Variants in ANKRD11 observed in about 807,000 individuals in gnomAD.
The protein encoded by ANKRD11 is ankyrin repeat domain 11.
Under a neutral mutation model 195.7 loss-of-function variants are expected in ANKRD11, and 17 were observed. The ratio of observed to expected loss-of-function variants is 0.09; its 90% confidence interval spans 0.06 to 0.13. The LOEUF (loss-of-function observed/expected upper bound fraction) is 0.13, where lower values mean the gene tolerates loss of function less well. ANKRD11 is among the 10% of genes least tolerant of loss of function. The pLI is 1.00. For missense variants in ANKRD11, 3,735 were observed against 3,566.1 expected (o/e 1.05, Z -1.21); for synonymous variants, 1,953 against 1,528.1 (o/e 1.28, Z -6.49).
intron 2 of ANKRD11, among the ~76,000 whole-genome samples, chr16:89,384,996 C>T (rs1371315574): frequency 7.1e-6 from 1 of 141,050 alleles, no homozygotes; most frequent in Non-Finnish European, 1.5e-5. Flanking sequence ...AGTGATTCTC[C>T]TGACTCAGCC....
At position 89,281,966 on chromosome 16, in the gene ANKRD11, C is replaced by T. The variant is rs757519008; in HGVS notation, c.4576G>A (p.Gly1526Ser). The change falls in exon 9 of 13, where the codon GGC becomes AGC. Residue 1526 changes from glycine (G) to serine (S), a missense_variant. Physicochemically the swap from Gly to Ser is moderately conservative, Grantham distance 56 (BLOSUM62 0). Transcript: ENST00000301030. The surrounding 1 kb of genome is among the most constrained non-coding windows in gnomAD (Gnocchi z 5.5). ...AATTTCTCCTTCAGTTTGGCATCGC[C>T]GAGCCTCGGGCCCTCGTCCCTGGAC... ...DKSRDEGPRLGDAKLKEKFKD... is the reference protein window; with the variant it reads ...DKSRDEGPRLSDAKLKEKFKD... The T allele has an allele frequency of 2.5e-6, 4 of 1,612,704 alleles. No individual in the cohort carries two copies. Among genetic ancestry groups the T allele is most frequent in the East Asian group, 2.2e-5 (1 of 44,894 alleles).
chr16:89,450,109 G>A (rs1352256553), intron 1 of ANKRD11, among the ~76,000 whole-genome samples: 1 of 152,188 alleles, frequency 6.6e-6, no homozygotes, highest in Non-Finnish European at 1.5e-5. Flanking sequence ...GTCACACTCT[G>A]CTCCAGCTGC....
chr16:89,387,406 C>A (rs2040963075), intron 2 of ANKRD11, among the ~76,000 whole-genome samples: 1 of 151,954 alleles, frequency 6.6e-6, no homozygotes, highest in Non-Finnish European at 1.5e-5. Flanking sequence ...GGCGCGGTGG[C>A]TCACTCCTGT....
intron 2 of ANKRD11, among the ~76,000 whole-genome samples, chr16:89,342,126 G>A (rs150009882): frequency 6.6e-5 from 10 of 152,138 alleles, no homozygotes; most frequent in Non-Finnish European, 1.0e-4. Context: ...ATGGGCACTT[G>A]GTCCCTTCTC....
intron 2 of ANKRD11, among the ~76,000 whole-genome samples, chr16:89,399,742 G>A (rs775858380): frequency 6.6e-6 from 1 of 152,140 alleles, no homozygotes; most frequent in Non-Finnish European, 1.5e-5. Context: ...AGGGGTGCGG[G>A]GGAACCCTCT....
chr16:89,369,040 C>G (rs747088673), intron 2 of ANKRD11, among the ~76,000 whole-genome samples: 3 of 152,114 alleles, frequency 2.0e-5, no homozygotes, highest in Non-Finnish European at 4.4e-5. Context: ...AGAGACCCCC[C>G]ACTGGCACCC....
chr16:89,490,119 C>T (rs1375716173), intron 1 of ANKRD11, 126 bp downstream of exon 1: 2 of 143,416 alleles, frequency 1.4e-5, no homozygotes, highest in African/African-American at 5.0e-5. Flanking sequence ...CCGGCCCCGA[C>T]CCCCCAGGCC....
chr16:89,276,862 C>G (rs1597419406), intron 9 of ANKRD11, among the ~76,000 whole-genome samples: 1 of 152,058 alleles, frequency 6.6e-6, no homozygotes. Context: ...TTGAGACCAG[C>G]CTGACCAACA....
chr16:89,281,085 G>A lies in ANKRD11; in HGVS notation c.5457C>T (p.Ser1819=), dbSNP rs761966114. Residue 1819 remains serine (S), a synonymous_variant, in exon 9 of 13, where the codon TCC becomes TCT. Transcript: ENST00000301030. The surrounding 1 kb of genome is among the most constrained non-coding windows in gnomAD (Gnocchi z 5.5). ...AGGGTGGCATGGGAGAGTCGTAGCT[G>A]GAGGCAGCAGGAACGCTCTGCTGCC... The part of the protein sequence containing the change: ...LFRQQSVPAA[S]SYDSPMPPSM... 1 of 1,608,922 alleles carries A rather than the reference G, an allele frequency of 6.2e-7. No homozygotes were observed. Among genetic ancestry groups the A allele is most frequent in the African/African-American group, 1.3e-5 (1 of 74,888 alleles).
Position 89,282,580 on chromosome 16 carries a change from A to C in ANKRD11, c.3962T>G (p.Leu1321Arg). Residue 1321 changes from leucine to arginine, a missense_variant, in exon 9 of 13, where the codon CTG becomes CGG. Coordinates refer to ENST00000301030, the MANE Select transcript of ANKRD11 (RefSeq NM_013275.6). Reference protein sequence around the residue: ...RGQEPGLTAFLEVSFTEPPGD... With the variant: ...RGQEPGLTAFREVSFTEPPGD... ...AGGTGGCTCCGTGAAAGAGACCTCCAGGAAGGCAGTCAGCCCCGGCTCCTG... is the reference window on the plus strand; with the variant it reads ...AGGTGGCTCCGTGAAAGAGACCTCCCGGAAGGCAGTCAGCCCCGGCTCCTG... 2 of 1,614,150 alleles carry C rather than the reference A, an allele frequency of 1.2e-6. No homozygotes were observed. Among genetic ancestry groups the C allele is most frequent in the Non-Finnish European group, 1.7e-6 (2 of 1,180,016 alleles).
chr16:89,429,007 T>C (rs989996840), intron 1 of ANKRD11, among the ~76,000 whole-genome samples: 1 of 152,070 alleles, frequency 6.6e-6, no homozygotes, highest in African/African-American at 2.4e-5. Context: ...TAAGATGCAA[T>C]GAACAGAATG....
intron 6 of ANKRD11, among the ~76,000 whole-genome samples, chr16:89,289,622 C>T (rs901939353): frequency 2.0e-5 from 3 of 152,212 alleles, no homozygotes; most frequent in Admixed American, 1.3e-4. Context: ...GCCGGCCTCC[C>T]GGCTCAGAGG....
chr16:89,426,760 G>T (rs1351508266), intron 1 of ANKRD11, among the ~76,000 whole-genome samples: 1 of 152,150 alleles, frequency 6.6e-6, no homozygotes, highest in African/African-American at 2.4e-5. Flanking sequence ...CTCACTGTTG[G>T]CCTCACCATT....
intron 2 of ANKRD11, among the ~76,000 whole-genome samples, chr16:89,348,483 T>C (rs1490249278): frequency 1.3e-5 from 2 of 152,228 alleles, no homozygotes; most frequent in East Asian, 1.9e-4. Flanking sequence ...ACTGGATGTG[T>C]ACCCTCCTCT....
chr16:89,417,675 C>T (rs2042362326), intron 2 of ANKRD11, among the ~76,000 whole-genome samples: 1 of 152,132 alleles, frequency 6.6e-6, no homozygotes, highest in African/African-American at 2.4e-5. Flanking sequence ...CAGCACTATG[C>T]CCAGAAGCAC....
intron 2 of ANKRD11, among the ~76,000 whole-genome samples, chr16:89,387,814 C>A (rs1023284659): frequency 4.6e-5 from 7 of 151,190 alleles, no homozygotes; most frequent in African/African-American, 1.2e-4. Flanking sequence ...ACCAGCCTGG[C>A]CAACATGGTG....
At chr16:89,487,875 T>C (rs1317680707) in intron 1 of ANKRD11, among the ~76,000 whole-genome samples, 1 of 152,008 alleles carries the variant, frequency 6.6e-6, no homozygotes, top group African/African-American at 2.4e-5. Flanking sequence ...TAGGGAGTTC[T>C]ACTTGCCACC....
chr16:89,490,148 G>A, intron 1 of ANKRD11, 97 bp downstream of exon 1: 1 of 145,462 alleles, frequency 6.9e-6, no homozygotes. Context: ...GGCCCGCGGC[G>A]CAGCTCCGTC....
Position 89,280,997 on chromosome 16 carries a change from C to G in ANKRD11, c.5545G>C (p.Gly1849Arg). Residue 1849 changes from glycine to arginine, a missense_variant, in exon 9 of 13, where the codon GGG becomes CGG. By Grantham distance (125) the Gly-to-Arg change is moderately radical. Transcript: ENST00000301030. ...PAEKFACLSP[G>R]YYSPDYGLPS... Reference sequence around the variant, plus strand: ...AGGCCATAGTCTGGGGAGTAGTACCCTGGCGACAAGCAGGCAAACTTCTCC... The same window carrying G: ...AGGCCATAGTCTGGGGAGTAGTACCGTGGCGACAAGCAGGCAAACTTCTCC... 1 of 1,580,578 alleles carries G rather than the reference C, an allele frequency of 6.3e-7. No individual in the cohort carries two copies. Among genetic ancestry groups the G allele is most frequent in the Non-Finnish European group, 8.6e-7 (1 of 1,161,598 alleles).
Sources: allele counts gnomAD v4.1 joint callset (sites outside exome capture counted in the v4.1 genomes callset), GRCh38; gene constraint gnomAD v4.1.1; non-coding constraint Gnocchi (gnomAD v3.1); transcripts MANE v1.5; gene names NCBI Gene and HGNC (gene_info 2026-07-23, HGNC 2026-07-21).